MERTK: variants seen among roughly 807,000 people sequenced by gnomAD.
MERTK encodes the protein tyrosine-protein kinase Mer.
Under a neutral mutation model 99.3 loss-of-function variants are expected in MERTK, and 69 were observed. That is an observed-to-expected ratio of 0.70 (90% confidence interval 0.57 to 0.85). MERTK has a LOEUF of 0.85. Ranked by LOEUF, MERTK falls within the 40% of genes least tolerant of loss-of-function variation. The probability of loss-of-function intolerance (pLI) is 0.00; values close to 1 mark genes in which losing one functional copy is unlikely to be tolerated. For synonymous variants in MERTK, 426 were observed against 467.6 expected (o/e 0.91, Z 1.15); for missense variants, 1,125 against 1,249.4 (o/e 0.90, Z 1.50).
chr2:112,011,296 AAC>A (rs1310624736), intron 15 of MERTK, among the ~76,000 whole-genome samples: 1 of 152,142 alleles, frequency 6.6e-6, no homozygotes, highest in African/African-American at 2.4e-5. Context: ...CTGCAGACAA[AAC>A]ACAGGGGAAA....
chr2:111,930,103 C>G (rs1464819789), intron 2 of MERTK: 1 of 152,700 alleles, frequency 6.5e-6, no homozygotes, highest in African/African-American at 2.4e-5. Context: ...CCCACCTGAC[C>G]TACATATCAT....
chr2:112,020,463 G>C (rs1006598053), intron 16 of MERTK: 5 of 396,166 alleles, frequency 1.3e-5, no homozygotes, highest in Non-Finnish European at 2.0e-5. Flanking sequence ...ACCTTCCCCA[G>C]ACTACTTTAT....
chr2:111,911,545 T>C (rs1203613974), intron 1 of MERTK, among the ~76,000 whole-genome samples: 2 of 151,822 alleles, frequency 1.3e-5, no homozygotes, highest in East Asian at 3.9e-4. Flanking sequence ...CACACCACCA[T>C]GCCCAGCTAA....
chr2:111,970,590 G>A (rs187747263), intron 6 of MERTK, among the ~76,000 whole-genome samples: 12 of 152,318 alleles, frequency 7.9e-5, no homozygotes, highest in African/African-American at 2.9e-4. Context: ...ATATTTGTCT[G>A]TAGTTTTCTT....
intron 7 of MERTK, among the ~76,000 whole-genome samples, chr2:111,977,409 T>A (rs1676274991): frequency 1.3e-5 from 2 of 152,224 alleles, no homozygotes; most frequent in South Asian, 4.1e-4. Flanking sequence ...TCGCTTGCAT[T>A]GTTTCCCACA....
In MERTK at chr2:112,008,493, AGGAGT is replaced by A. The variant is rs779465301; in HGVS notation, c.1960+21_1960+25del. ...ACTTCTAGGTACTTCCGAGAAATGC[AGGAGT>A]GGGTGGCCAAGAGGGCTCTGCTGAT... is the stretch of plus-strand genomic sequence containing the variant. On this transcript the variant is annotated intron_variant, in intron 14 of 18. Transcript: ENST00000295408. 1.9e-6 allele frequency: 3 copies of A among 1,598,914 alleles called. No individual in the cohort carries two copies. The highest frequency in any genetic ancestry group is 2.6e-6 in the Non-Finnish European group (3 of 1,166,150).
At chr2:111,928,216 C>CCTTTTTTT (rs1558774697) in intron 1 of MERTK, among the ~76,000 whole-genome samples, 1 of 84,848 alleles carries the variant, frequency 1.2e-5, no homozygotes. Context: ...CCATGAGCAG[C>CCTTTTTTT]TTTTTTTTTT....
At chr2:111,932,383 G>A (rs1274414850) in intron 2 of MERTK, among the ~76,000 whole-genome samples, 3 of 151,998 alleles carry the variant, frequency 2.0e-5, no homozygotes, top group Non-Finnish European at 4.4e-5. Flanking sequence ...GGATTTCACC[G>A]TGTTAGCCAG....
intron 5 of MERTK, among the ~76,000 whole-genome samples, chr2:111,965,955 A>T (rs1459088274): frequency 6.6e-6 from 1 of 152,232 alleles, no homozygotes; most frequent in Non-Finnish European, 1.5e-5. Flanking sequence ...GCTAGTGGAG[A>T]CATTTCAATC....
At chr2:112,024,134 G>A (rs1409639206) in intron 18 of MERTK, among the ~76,000 whole-genome samples, 2 of 152,122 alleles carry the variant, frequency 1.3e-5, no homozygotes, top group African/African-American at 4.8e-5. Flanking sequence ...TTAGTTCTAG[G>A]GTTTCATGGT....
chr2:111,999,338 G>A (rs144653726), intron 10 of MERTK, among the ~76,000 whole-genome samples: 10 of 151,800 alleles, frequency 6.6e-5, no homozygotes, highest in South Asian at 4.1e-4. Flanking sequence ...TTGCTCTGTC[G>A]TCCAGGCTGG....
intron 4 of MERTK, among the ~76,000 whole-genome samples, chr2:111,953,174 CA>C (rs1045928407): frequency 6.6e-6 from 1 of 152,140 alleles, no homozygotes; most frequent in African/African-American, 2.4e-5. Context: ...CATCGGGTAC[CA>C]AAAACCAAAA....
At chr2:111,901,041 A>AC in intron 1 of MERTK, among the ~76,000 whole-genome samples, 1 of 152,256 alleles carries the variant, frequency 6.6e-6, no homozygotes, top group East Asian at 1.9e-4. Flanking sequence ...GCCCCCCAAC[A>AC]CACATACACA....
chr2:111,940,397 G>A, intron 2 of MERTK: 1 of 533,282 alleles, frequency 1.9e-6, no homozygotes, highest in South Asian at 1.4e-5. Context: ...GTCTGTAGCT[G>A]TCTGAGCTCT....
At chr2:112,010,370 G>T (rs1476526585) in intron 15 of MERTK, 1 of 350,968 alleles carries the variant, frequency 2.8e-6, no homozygotes, top group Non-Finnish European at 5.6e-6. Context: ...CCTCATGGCC[G>T]CATACTCCCC....
chr2:111,916,602 G>A (rs1197633418), intron 1 of MERTK, among the ~76,000 whole-genome samples: 1 of 151,564 alleles, frequency 6.6e-6, no homozygotes, highest in Non-Finnish European at 1.5e-5. Context: ...GTATTTCTTT[G>A]CTGTGGCTTT....
chr2:111,917,263 C>T (rs1246252678), intron 1 of MERTK, among the ~76,000 whole-genome samples: 1 of 152,206 alleles, frequency 6.6e-6, no homozygotes, highest in African/African-American at 2.4e-5. Flanking sequence ...TCTCTACTTC[C>T]TCTAGGCCCT....
chr2:111,997,376 G>A lies in MERTK; in HGVS notation c.1504G>A (p.Val502Met), dbSNP rs895064344. Residue 502 changes from valine (V) to methionine (M), a missense_variant, in exon 10 of 19, where the codon GTG (valine) becomes ATG (methionine). Val to Met is a conservative substitution (Grantham distance 21). Transcript: ENST00000295408. ...STPAPGNADP[V>M]LIIFGCFCGF... ...TCCGGCGCCTGGCAACGCAGATCCT[G>A]TGCTCATCATCTTTGGCTGCTTTTG... is the stretch of plus-strand genomic sequence containing the variant. 1.9e-6 allele frequency: 3 copies of A among 1,614,094 alleles called. No homozygotes were observed. Among genetic ancestry groups the A allele is most frequent in the East Asian group, 2.2e-5 (1 of 44,904 alleles).
chr2:111,944,575 G>A (rs969998960), intron 2 of MERTK, among the ~76,000 whole-genome samples: 4 of 632 alleles, frequency 6.3e-3, no homozygotes, highest in South Asian at 0.25. Context: ...AATCAACAGG[G>A]TGTTGGGTGG....
Sources: allele counts gnomAD v4.1 joint callset (sites outside exome capture counted in the v4.1 genomes callset), GRCh38; gene constraint gnomAD v4.1.1; transcripts MANE v1.5; gene names NCBI Gene and HGNC (gene_info 2026-07-23, HGNC 2026-07-21).